CSMD3: variants seen among roughly 807,000 people sequenced by gnomAD.
CSMD3 encodes CUB and sushi domain-containing protein 3.
In CSMD3, 177 loss-of-function variants were observed where a neutral mutation model predicts 435.2. That is an observed-to-expected ratio of 0.41 (90% CI 0.36 to 0.46). The LOEUF (loss-of-function observed/expected upper bound fraction) is 0.46, where lower values mean the gene tolerates loss of function less well. Ranked by LOEUF, CSMD3 falls within the 20% of genes least tolerant of loss-of-function variation. The probability of loss-of-function intolerance (pLI) is 0.34; values close to 1 mark genes in which losing one functional copy is unlikely to be tolerated. For synonymous variants in CSMD3, 1,656 were observed against 1,520.5 expected (o/e 1.09, Z -2.07); for missense variants, 4,265 against 4,504.6 (o/e 0.95, Z 1.52).
intron 3 of CSMD3, among the ~76,000 whole-genome samples, chr8:113,175,616 A>G (rs1043427980): frequency 5.9e-5 from 9 of 152,032 alleles, no homozygotes; most frequent in Non-Finnish European, 8.8e-5. Flanking sequence ...CACTTTGAAC[A>G]GTAGTTTATT....
chr8:112,599,960 G>A (rs1005053708), intron 22 of CSMD3, among the ~76,000 whole-genome samples: 6 of 149,644 alleles, frequency 4.0e-5, no homozygotes, highest in Non-Finnish European at 7.4e-5. Flanking sequence ...CATGGCACAT[G>A]TATACACATG....
chr8:112,779,277 T>G (rs903854090), intron 13 of CSMD3, among the ~76,000 whole-genome samples: 4 of 151,984 alleles, frequency 2.6e-5, no homozygotes, highest in Non-Finnish European at 5.9e-5. Context: ...GCAAACTATA[T>G]TATTATTTTA....
chr8:113,392,815 C>T (rs2133161679), intron 1 of CSMD3, among the ~76,000 whole-genome samples: 1 of 151,918 alleles, frequency 6.6e-6, no homozygotes, highest in African/African-American at 2.4e-5. Context: ...ATGGTCATCA[C>T]TAAGAACCAA....
chr8:112,487,726 C>T (rs1820283407), intron 31 of CSMD3, among the ~76,000 whole-genome samples: 1 of 151,976 alleles, frequency 6.6e-6, no homozygotes, highest in South Asian at 2.1e-4. Context: ...AGACCTGCGC[C>T]ATTAGATAAA....
At chr8:112,833,251 A>G (rs1388305101) in intron 11 of CSMD3, among the ~76,000 whole-genome samples, 1 of 152,084 alleles carries the variant, frequency 6.6e-6, no homozygotes, top group Non-Finnish European at 1.5e-5. Context: ...GTGAGAACTG[A>G]CATCTTAAGG....
At chr8:113,051,315 T>C (rs989848352) in intron 5 of CSMD3, among the ~76,000 whole-genome samples, 2 of 151,988 alleles carry the variant, frequency 1.3e-5, no homozygotes, top group Admixed American at 6.6e-5. Context: ...AATTGCCAAA[T>C]GAGGGTTATT....
intron 30 of CSMD3, among the ~76,000 whole-genome samples, chr8:112,497,373 G>T (rs1164944929): frequency 6.6e-6 from 1 of 151,342 alleles, no homozygotes; most frequent in Non-Finnish European, 1.5e-5. Flanking sequence ...TGGAATGTTT[G>T]TAACATAAAT....
chr8:113,435,385 A>T (rs937225688), intron 1 of CSMD3, among the ~76,000 whole-genome samples: 1 of 152,038 alleles, frequency 6.6e-6, no homozygotes, highest in Non-Finnish European at 1.5e-5. Flanking sequence ...GGGAAAGGTA[A>T]CCTCTCCAGC....
chr8:112,542,019 T>C (rs1586642553), intron 27 of CSMD3, among the ~76,000 whole-genome samples: 1 of 151,948 alleles, frequency 6.6e-6, no homozygotes, highest in African/African-American at 2.4e-5. Context: ...TACACCACAT[T>C]AACAGAATAA....
intron 11 of CSMD3, among the ~76,000 whole-genome samples, chr8:112,845,756 C>T (rs2080300349): frequency 6.6e-6 from 1 of 151,672 alleles, no homozygotes; most frequent in Non-Finnish European, 1.5e-5. Flanking sequence ...GTTATTAATC[C>T]AAAGGAGAAT....
At chr8:113,067,296 G>C (rs2088901308) in intron 5 of CSMD3, among the ~76,000 whole-genome samples, 1 of 152,098 alleles carries the variant, frequency 6.6e-6, no homozygotes, top group Non-Finnish European at 1.5e-5. Context: ...ATCGAAGTTA[G>C]TGTAAGCAAA....
At chr8:113,036,943 T>C (rs1164549588) in intron 5 of CSMD3, among the ~76,000 whole-genome samples, 1 of 152,080 alleles carries the variant, frequency 6.6e-6, no homozygotes, top group Admixed American at 6.5e-5. Context: ...ATTTTGCAGG[T>C]TGATATTAGT....
chr8:112,761,247 A>T lies in CSMD3; in HGVS notation c.1972+38915T>A, dbSNP rs554906319. Among the ~76,000 whole-genome samples the T allele has an allele frequency of 5.9e-5, 9 of 152,200 alleles. No individual in the cohort carries two copies. In the East Asian group the frequency reaches 1.4e-3, roughly 23 times the overall value. ...CTGAACAGTAATATCTCTATCATTT[A>T]AAAAAAGGGAAACCACCAATGGAAT... On this transcript the variant is annotated intron_variant, in intron 13 of 70. Transcript: ENST00000297405.
intron 5 of CSMD3, among the ~76,000 whole-genome samples, chr8:113,068,491 A>G (rs1310360641): frequency 1.3e-5 from 2 of 152,084 alleles, no homozygotes; most frequent in African/African-American, 4.8e-5. Context: ...CAGTTTTCAT[A>G]TCTTTCCTAT....
intron 7 of CSMD3, among the ~76,000 whole-genome samples, chr8:112,960,764 G>C (rs185104049): frequency 1.3e-5 from 2 of 151,764 alleles, no homozygotes; most frequent in Admixed American, 1.3e-4. Context: ...ATACACGAGA[G>C]TTAACATATT....
chr8:113,118,388 G>A (rs7812971), intron 4 of CSMD3, among the ~76,000 whole-genome samples: 92,186 of 152,084 alleles, frequency 0.61, 30,410 homozygotes, highest in East Asian at 0.95. Context: ...GCAGTAATGT[G>A]CTGAGCTTAA....
At chr8:112,394,086 A>G (rs1053739931) in intron 35 of CSMD3, among the ~76,000 whole-genome samples, 23 of 152,046 alleles carry the variant, frequency 1.5e-4, no homozygotes, top group African/African-American at 5.6e-4. Flanking sequence ...TAACTTTGAA[A>G]TTCTTCTTCA....
chr8:112,440,650 C>G (rs1814898784), intron 32 of CSMD3, among the ~76,000 whole-genome samples: 1 of 152,246 alleles, frequency 6.6e-6, no homozygotes, highest in Admixed American at 6.5e-5. Flanking sequence ...CACACATCCT[C>G]TGAAATCGAG....
At chr8:113,198,458 C>A (rs1270045911) in intron 3 of CSMD3, among the ~76,000 whole-genome samples, 2 of 151,134 alleles carry the variant, frequency 1.3e-5, no homozygotes, top group Non-Finnish European at 3.0e-5. Context: ...TGTTTATCAG[C>A]TCCAATTTTT....
Sources: gnomAD v4.1 joint callset for allele counts (sites outside exome capture counted in the v4.1 genomes callset) on GRCh38, gnomAD v4.1.1 for gene constraint, MANE v1.5 for transcripts, NCBI Gene and HGNC (gene_info 2026-07-23, HGNC 2026-07-21) for gene names.